The following MIA2 variants were observed in gnomAD, a reference collection of about 807,000 sequenced individuals.
MIA2 encodes the protein MIA SH3 domain ER export factor 2.
A neutral mutation model predicts 167.8 loss-of-function variants in MIA2; 127 were observed. The ratio of observed to expected loss-of-function variants is 0.76; its 90% CI spans 0.66 to 0.88. MIA2 has a LOEUF of 0.88. Among genes scored for constraint, MIA2 ranks in the 40% least tolerant of loss-of-function variants. MIA2 has a pLI of 0.00. For missense variants in MIA2, 1,690 were observed against 1,624.7 expected (o/e 1.04, Z -0.69); for synonymous variants, 552 against 541.9 (o/e 1.02, Z -0.26).
chr14:39,338,741 T>C (rs2071081162), intron 25 of MIA2, among the ~76,000 whole-genome samples: 1 of 152,188 alleles, frequency 6.6e-6, no homozygotes, highest in Admixed American at 6.5e-5. Flanking sequence ...AACACAAAAG[T>C]GTTTTCATAT....
intron 17 of MIA2, 45 bp from the exon 18 acceptor site, chr14:39,308,404 C>G (rs1244102121): frequency 8.1e-7 from 1 of 1,239,564 alleles, no homozygotes; most frequent in African/African-American, 1.6e-5. Context: ...TAATATGCAA[C>G]TCAAAATGTT....
In MIA2 at chr14:39,314,724, A is replaced by G; in HGVS notation, c.3120-15A>G. 6.3e-7 allele frequency: 1 copy of G among 1,597,152 alleles called. No individual in the cohort carries two copies. Among genetic ancestry groups the G allele is most frequent in the Non-Finnish European group, 8.5e-7 (1 of 1,169,908 alleles). On this transcript the variant is annotated splice_polypyrimidine_tract_variant and intron_variant, in intron 19 of 28. Transcript: ENST00000640607. ...GTTATATGTTAATAGTAGAATAATTATTCGTTCCATTTAGAAAGCGAGCCA... is the reference window on the plus strand; with the variant it reads ...GTTATATGTTAATAGTAGAATAATTGTTCGTTCCATTTAGAAAGCGAGCCA...
chr14:39,267,108 A>G, intron 6 of MIA2: 1 of 1,115,536 alleles, frequency 9.0e-7, no homozygotes, highest in South Asian at 2.5e-5. Flanking sequence ...AAGAAGGGGA[A>G]GTTTGCGGCT....
At chr14:39,278,256 G>A (rs530102234) in intron 7 of MIA2, among the ~76,000 whole-genome samples, 11 of 152,208 alleles carry the variant, frequency 7.2e-5, no homozygotes, top group African/African-American at 2.2e-4. Flanking sequence ...TAATCACCAC[G>A]CCTGGCCTAA....
intron 16 of MIA2, 34 bp from the exon 17 acceptor site, chr14:39,304,257 A>G (rs764903620): frequency 3.0e-6 from 3 of 995,480 alleles, no homozygotes; most frequent in Admixed American, 2.4e-5. Context: ...ATAACTGATT[A>G]ATGTTACTTT....
At chr14:39,272,609 A>T (rs1389261671) in intron 6 of MIA2, among the ~76,000 whole-genome samples, 1 of 152,198 alleles carries the variant, frequency 6.6e-6, no homozygotes, top group Non-Finnish European at 1.5e-5. Flanking sequence ...TAAAAGAAAT[A>T]CAAAAATTAG....
chr14:39,357,159 G>A (rs567805303), intron 23 of MIA2, among the ~76,000 whole-genome samples: 151 of 152,142 alleles, frequency 9.9e-4, no homozygotes, highest in Non-Finnish European at 6.0e-4. Context: ...GGGTGTTAAA[G>A]TCTCCCGTTA....
intron 25 of MIA2, among the ~76,000 whole-genome samples, chr14:39,337,889 A>G (rs1478266130): frequency 1.3e-5 from 2 of 151,956 alleles, no homozygotes; most frequent in Admixed American, 1.3e-4. Flanking sequence ...GGCCAGGCTA[A>G]TTTTAAAATT....
chr14:39,337,428 C>G (rs1164490366), intron 25 of MIA2, among the ~76,000 whole-genome samples: 4 of 152,150 alleles, frequency 2.6e-5, no homozygotes, highest in African/African-American at 9.7e-5. Context: ...TGCCCTCAAC[C>G]AACAAGACCT....
chr14:39,347,839 T>TTA, intron 27 of MIA2, 68 bp downstream of exon 27: 1 of 1,353,616 alleles, frequency 7.4e-7, no homozygotes, highest in Non-Finnish European at 1.0e-6. Flanking sequence ...TTTTTTTTTT[T>TTA]TTATGGAGTT....
At chr14:39,301,197 A>G (rs2062437375) in intron 14 of MIA2, among the ~76,000 whole-genome samples, 1 of 151,954 alleles carries the variant, frequency 6.6e-6, no homozygotes, top group South Asian at 2.1e-4. Flanking sequence ...AGTAGCTGGG[A>G]CTACAGGCAT....
At chr14:39,292,158 C>CCT (rs2060823696) in intron 10 of MIA2, among the ~76,000 whole-genome samples, 1 of 152,084 alleles carries the variant, frequency 6.6e-6, no homozygotes, top group South Asian at 2.1e-4. Flanking sequence ...ATTTGCTAAC[C>CCT]CTCTGTCTTA....
chr14:39,338,062 A>G (rs920477822), intron 25 of MIA2, among the ~76,000 whole-genome samples: 8 of 152,150 alleles, frequency 5.3e-5, no homozygotes, highest in Non-Finnish European at 5.9e-5. Flanking sequence ...GAAACAGAAA[A>G]CAGATTGGTG....
At chr14:39,331,867 C>T (rs563223229) in intron 25 of MIA2, among the ~76,000 whole-genome samples, 2 of 152,332 alleles carry the variant, frequency 1.3e-5, no homozygotes, top group South Asian at 2.1e-4. Flanking sequence ...TGACCTTTCT[C>T]TCTGGCTGCC....
chr14:39,249,336 T>A (rs2054455667), intron 4 of MIA2, among the ~76,000 whole-genome samples: 1 of 151,872 alleles, frequency 6.6e-6, no homozygotes, highest in Non-Finnish European at 1.5e-5. Flanking sequence ...GGAGATGGGG[T>A]CTCCTTATGT....
intron 6 of MIA2, among the ~76,000 whole-genome samples, chr14:39,261,112 T>A (rs1401389655): frequency 6.6e-6 from 1 of 152,076 alleles, no homozygotes; most frequent in Non-Finnish European, 1.5e-5. Flanking sequence ...TTACATTAGG[T>A]ATATCTCCTA....
At chr14:39,297,624 C>T (rs1257954063) in intron 13 of MIA2, among the ~76,000 whole-genome samples, 1 of 151,480 alleles carries the variant, frequency 6.6e-6, no homozygotes, top group Non-Finnish European at 1.5e-5. Context: ...GTCCCAGAGT[C>T]TCAGGTTCCA....
At chr14:39,387,676 C>G (rs2075290511) in exon 24 of MIA2, 1 of 152,264 alleles carries the variant, frequency 6.6e-6, no homozygotes, top group Admixed American at 6.5e-5. Context: ...GAAAGAAGTT[C>G]TGTGGGGAAA....
intron 6 of MIA2, among the ~76,000 whole-genome samples, chr14:39,261,022 G>T (rs532704024): frequency 3.2e-4 from 48 of 151,706 alleles, no homozygotes; most frequent in African/African-American, 1.1e-3. Context: ...TAAGTTCTGG[G>T]GTACATGTGC....
Sources: gnomAD v4.1 joint callset for allele counts (sites outside exome capture counted in the v4.1 genomes callset) on GRCh38, gnomAD v4.1.1 for gene constraint, MANE v1.5 for transcripts, NCBI Gene and HGNC (gene_info 2026-07-23, HGNC 2026-07-21) for gene names.